The following AFDN variants were observed in gnomAD, a reference collection of about 807,000 sequenced individuals.
AFDN encodes the protein afadin.
A neutral mutation model predicts 216.6 loss-of-function variants in AFDN; 68 were observed. The ratio of observed to expected loss-of-function variants is 0.31; its 90% confidence interval spans 0.26 to 0.38. The LOEUF is 0.38. Ranked by LOEUF, AFDN falls within the 10% of genes least tolerant of loss-of-function variation. AFDN has a pLI of 1.00. For missense variants in AFDN, 2,136 were observed against 2,342.0 expected, an observed-to-expected ratio of 0.91 and a Z score of 1.82; for synonymous variants, 868 against 853.7, an observed-to-expected ratio of 1.02 and a Z score of -0.29.
Position 167,887,599 on chromosome 6 carries a change from G to A in AFDN, c.898-1616G>A, listed in dbSNP as rs150896821. On this transcript the variant is annotated intron_variant, in intron 6 of 33. Coordinates refer to ENST00000683244, the MANE Select transcript of AFDN (RefSeq NM_001386888.1). The stretch of plus-strand genomic sequence containing the variant: ...GCCTCCCGAATAACTGGGACTACAG[G>A]CGCACGCTGCCATGTCCGGCTAATT... Among the ~76,000 whole-genome samples the A allele has an allele frequency of 3.3e-5, 5 of 152,126 alleles. No homozygotes were observed. The East Asian group carries it at 9.7e-4, about 29-fold the overall frequency.
intron 1 of AFDN, among the ~76,000 whole-genome samples, chr6:167,858,340 C>A (rs1783132886): frequency 6.6e-6 from 1 of 152,140 alleles, no homozygotes; most frequent in African/African-American, 2.4e-5. Flanking sequence ...TCACAGCAGG[C>A]TGTGTTTTCT....
chr6:167,862,270 C>G (rs1360295694), intron 1 of AFDN, among the ~76,000 whole-genome samples: 2 of 152,124 alleles, frequency 1.3e-5, no homozygotes, highest in African/African-American at 4.8e-5. Context: ...GTGGTCAGCA[C>G]AGTACCTGGC....
intron 1 of AFDN, among the ~76,000 whole-genome samples, chr6:167,838,345 C>G (rs1035454488): frequency 7.7e-6 from 1 of 129,686 alleles, no homozygotes; most frequent in Non-Finnish European, 1.7e-5. Context: ...TAGTCCCTGT[C>G]CTCTTACTGG....
chr6:167,860,355 A>G (rs916633235), intron 1 of AFDN, among the ~76,000 whole-genome samples: 5 of 152,098 alleles, frequency 3.3e-5, no homozygotes, highest in African/African-American at 1.2e-4. Flanking sequence ...AGGTCTTGTT[A>G]TTGGGCATCT....
intron 4 of AFDN, among the ~76,000 whole-genome samples, chr6:167,874,240 C>A (rs556065120): frequency 4.5e-4 from 69 of 152,186 alleles, no homozygotes; most frequent in African/African-American, 1.6e-3. Context: ...TCAAAATAAA[C>A]CAAAACAAAC....
chr6:167,920,333 C>T (rs1000946655), intron 21 of AFDN, among the ~76,000 whole-genome samples: 14 of 152,164 alleles, frequency 9.2e-5, no homozygotes, highest in African/African-American at 3.1e-4. Flanking sequence ...CTGCCATTCC[C>T]TGGAAAAAGC....
chr6:167,826,669 C>A, upstream of AFDN: 1 of 470,922 alleles, frequency 2.1e-6, no homozygotes. Context: ...CACCGCTGGT[C>A]GGGAAGGAAC....
chr6:167,890,199 AT>A (rs1426466367), intron 7 of AFDN, among the ~76,000 whole-genome samples: 2 of 152,226 alleles, frequency 1.3e-5, no homozygotes, highest in Non-Finnish European at 2.9e-5. Flanking sequence ...CACCAAAAAA[AT>A]CTTTCTCAGC....
intron 2 of AFDN, among the ~76,000 whole-genome samples, chr6:167,867,250 G>A (rs1314829996): frequency 2.0e-5 from 3 of 151,998 alleles, no homozygotes; most frequent in African/African-American, 4.8e-5. Flanking sequence ...CAACAAGAAC[G>A]ATTTGGTAAT....
chr6:167,859,835 A>G (rs1421986764), intron 1 of AFDN, among the ~76,000 whole-genome samples: 1 of 151,380 alleles, frequency 6.6e-6, no homozygotes, highest in Non-Finnish European at 1.5e-5. Flanking sequence ...CATGAAAAGA[A>G]TTTTGTTTTG....
intron 12 of AFDN, among the ~76,000 whole-genome samples, chr6:167,904,981 G>A (rs749987107): frequency 1.1e-4 from 17 of 152,280 alleles, no homozygotes; most frequent in South Asian, 1.0e-3. Flanking sequence ...GCGTGTCTCT[G>A]TTGCTCACTC....
chr6:167,827,861 T>G (rs1779351542), intron 1 of AFDN: 1 of 152,206 alleles, frequency 6.6e-6, no homozygotes, highest in Non-Finnish European at 1.5e-5. Flanking sequence ...CGGCGGCCTC[T>G]GCCCGGAGGG....
At chr6:167,870,281 A>G (rs1010330540) in intron 2 of AFDN, 105 bp from the exon 3 acceptor site, 2 of 645,100 alleles carry the variant, frequency 3.1e-6, no homozygotes, top group Non-Finnish European at 5.4e-6. Context: ...GTCTGCAAGT[A>G]GGTGCTTTGT....
At chr6:167,909,529 A>C (rs1418415752) in intron 13 of AFDN, among the ~76,000 whole-genome samples, 1 of 152,156 alleles carries the variant, frequency 6.6e-6, no homozygotes, top group Non-Finnish European at 1.5e-5. Context: ...TAATGAGTGG[A>C]CCAGCAATTC....
At chr6:167,871,968 G>A (rs777354331) in intron 3 of AFDN, among the ~76,000 whole-genome samples, 2 of 152,138 alleles carry the variant, frequency 1.3e-5, no homozygotes, top group Admixed American at 6.5e-5. Context: ...TTTTAAATGA[G>A]GTAAAATATA....
chr6:167,926,565 A>G (rs1191767221), intron 23 of AFDN, among the ~76,000 whole-genome samples: 2 of 152,208 alleles, frequency 1.3e-5, no homozygotes, highest in Admixed American at 1.3e-4. Context: ...CCAAGTAGCT[A>G]GGACTACAGG....
chr6:167,970,856 A>G lies in AFDN; in HGVS notation c.*921A>G, dbSNP rs1473933019. ...TAGGGACCCCTCAAGCACAGCTGTCACTCAGAAATTTTAAATTTGAAAAAG... is the reference window on the plus strand; with the variant it reads ...TAGGGACCCCTCAAGCACAGCTGTCGCTCAGAAATTTTAAATTTGAAAAAG... On this transcript the variant is annotated 3_prime_UTR_variant, in exon 34 of 34. Coordinates refer to ENST00000683244, the MANE Select transcript of AFDN (RefSeq NM_001386888.1). The G allele has an allele frequency of 9.2e-6, 2 of 217,246 alleles. 1 individual carries two copies. Among genetic ancestry groups the G allele is most frequent in the Middle Eastern group, 2.9e-3 (2 of 696 alleles). 13.5% of individuals were successfully genotyped at this position (217,246 alleles called of 1,614,324 possible). A position where few individuals can be genotyped will look rare whatever the true frequency, so the allele number is the denominator to read the frequency against.
chr6:167,960,537 T>C (rs1796935480), intron 30 of AFDN, among the ~76,000 whole-genome samples: 1 of 152,264 alleles, frequency 6.6e-6, no homozygotes, highest in Non-Finnish European at 1.5e-5. Flanking sequence ...TTGTGCTTTG[T>C]GGGATAAGGA....
intron 23 of AFDN, among the ~76,000 whole-genome samples, chr6:167,937,442 C>T (rs1794148873): frequency 6.6e-6 from 1 of 152,110 alleles, no homozygotes; most frequent in Admixed American, 6.5e-5. Context: ...GAGACAGGAT[C>T]TCGCCATGTT....
Sources: allele counts gnomAD v4.1 joint callset (sites outside exome capture counted in the v4.1 genomes callset), GRCh38; gene constraint gnomAD v4.1.1; transcripts MANE v1.5; gene names NCBI Gene and HGNC (gene_info 2026-07-23, HGNC 2026-07-21).